EIF4B: variants seen among roughly 807,000 people sequenced by gnomAD.
EIF4B encodes eukaryotic translation initiation factor 4B.
A neutral mutation model predicts 79.3 loss-of-function variants in EIF4B; 8 were observed. That is an observed-to-expected ratio of 0.10 (90% confidence interval 0.06 to 0.18). The LOEUF (loss-of-function observed/expected upper bound fraction) is 0.18, where lower values mean the gene tolerates loss of function less well. Among genes scored for constraint, EIF4B ranks in the 10% least tolerant of loss-of-function variants. The pLI is 1.00. For missense variants in EIF4B, 515 were observed against 792.4 expected, an observed-to-expected ratio of 0.65 and a Z score of 4.20; for synonymous variants, 238 against 274.7, an observed-to-expected ratio of 0.87 and a Z score of 1.32.
chr12:53,038,416 G>GCT lies in EIF4B; in HGVS notation c.1576+7_1576+8dup. ...AGGAAGGACCAGGAAGGAAAGGTGA[G>GCT]CTCATAGTATGGGAAATAGGTTTTT... On this transcript the variant is annotated splice_donor_region_variant and intron_variant, in intron 12 of 14. Transcript: ENST00000262056. 1 of 1,588,940 alleles carries GCT rather than the reference G, an allele frequency of 6.3e-7. No individual in the cohort carries two copies. Among genetic ancestry groups the GCT allele is most frequent in the South Asian group, 1.2e-5 (1 of 86,668 alleles).
At chr12:53,027,441 A>G (rs985643701) in intron 6 of EIF4B, among the ~76,000 whole-genome samples, 1 of 151,922 alleles carries the variant, frequency 6.6e-6, no homozygotes, top group African/African-American at 2.4e-5. Flanking sequence ...AGCTAAAAAA[A>G]TTTTTTTAAT....
chr12:53,017,533 T>A (rs1038703753), intron 2 of EIF4B, among the ~76,000 whole-genome samples: 4 of 152,212 alleles, frequency 2.6e-5, no homozygotes, highest in Non-Finnish European at 5.9e-5. Flanking sequence ...GTTTTTTTCC[T>A]GAAAATCGTT....
intron 8 of EIF4B, among the ~76,000 whole-genome samples, chr12:53,028,915 C>T (rs1172817026): frequency 6.6e-6 from 1 of 151,988 alleles, no homozygotes; most frequent in Non-Finnish European, 1.5e-5. Context: ...CATTTGAGGT[C>T]AAGAGTTCGA....
At chr12:53,011,892 T>C (rs1254952451) in intron 1 of EIF4B, among the ~76,000 whole-genome samples, 1 of 152,214 alleles carries the variant, frequency 6.6e-6, no homozygotes, top group Non-Finnish European at 1.5e-5. Context: ...TTTAACCAGT[T>C]CACATAAGAT....
rs1269419565 is a variant in EIF4B, at chr12:53,020,959, T to G, written c.478-847T>G. ...GTTAACTATTTGATGTTTACTAGAT[T>G]AACTATTAATATATTGTTGTGGTCC... On this transcript the variant is annotated intron_variant, in intron 4 of 14. Coordinates refer to ENST00000262056, the MANE Select transcript of EIF4B (RefSeq NM_001417.7). 2.0e-5 allele frequency among the ~76,000 whole-genome samples: 3 copies of G among 152,228 alleles called. No individual in the cohort carries two copies. The East Asian group carries it at 5.8e-4, about 29-fold the overall frequency.
chr12:53,010,833 G>A (rs1042620526), intron 1 of EIF4B, among the ~76,000 whole-genome samples: 7 of 152,020 alleles, frequency 4.6e-5, no homozygotes, highest in South Asian at 2.1e-4. Flanking sequence ...TTGGCCTCCC[G>A]GAGTACTGGG....
chr12:53,012,442 T>C (rs1943079920), intron 1 of EIF4B, among the ~76,000 whole-genome samples: 1 of 151,414 alleles, frequency 6.6e-6, no homozygotes, highest in Non-Finnish European at 1.5e-5. Flanking sequence ...TAATCCTCGC[T>C]ACTTGGGAGG....
intron 1 of EIF4B, among the ~76,000 whole-genome samples, chr12:53,007,670 C>T (rs1942992004): frequency 6.6e-6 from 1 of 152,116 alleles, no homozygotes; most frequent in South Asian, 2.1e-4. Context: ...TTGCATTCTT[C>T]AAAACATTAT....
chr12:53,036,699 C>T (rs1023368489), intron 10 of EIF4B, among the ~76,000 whole-genome samples: 3 of 152,024 alleles, frequency 2.0e-5, no homozygotes, highest in Admixed American at 2.0e-4. Flanking sequence ...TTAGAAGACA[C>T]TTAACTGCAT....
In EIF4B at chr12:53,033,792, T is replaced by C; in HGVS notation, c.980-14T>C. On this transcript the variant is annotated splice_polypyrimidine_tract_variant and intron_variant, in intron 8 of 14. Transcript: ENST00000262056. ...TGATTGGAAAACTATTACTTAAAGTTTCATTTAACTTAGGTCCCCCCCAAA... is the reference window on the plus strand; with the variant it reads ...TGATTGGAAAACTATTACTTAAAGTCTCATTTAACTTAGGTCCCCCCCAAA... The C allele has an allele frequency of 6.4e-7, 1 of 1,569,236 alleles. No individual in the cohort carries two copies. Among genetic ancestry groups the C allele is most frequent in the Non-Finnish European group, 8.6e-7 (1 of 1,160,120 alleles).
At chr12:53,014,900 C>G (rs1351095294) in intron 1 of EIF4B, 2 of 152,270 alleles carry the variant, frequency 1.3e-5, no homozygotes, top group East Asian at 1.9e-4. Context: ...AGTCCCTCTG[C>G]TCTTCTGAAT....
At chr12:53,035,752 G>A (rs1166782966) in intron 10 of EIF4B, among the ~76,000 whole-genome samples, 1 of 152,038 alleles carries the variant, frequency 6.6e-6, no homozygotes, top group African/African-American at 2.4e-5. Flanking sequence ...GATTCCAAGG[G>A]CCAGCCACTG....
chr12:53,014,246 TAAAAA>T (rs776521252), intron 1 of EIF4B, among the ~76,000 whole-genome samples: 1 of 133,240 alleles, frequency 7.5e-6, no homozygotes, highest in African/African-American at 2.8e-5. Flanking sequence ...ACTGTGAAAC[TAAAAA>T]AAAAAAAAAA....
chr12:53,016,039 A>G (rs1047538095), intron 1 of EIF4B, among the ~76,000 whole-genome samples: 8 of 152,134 alleles, frequency 5.3e-5, no homozygotes, highest in African/African-American at 1.9e-4. Flanking sequence ...TACAAGTGTC[A>G]AAACAGTCTT....
rs191183015 is a variant in EIF4B at position 53,022,115 on chromosome 12, C to T, written c.532+255C>T. 1.3e-4 allele frequency: 85 copies of T among 639,120 alleles called. No homozygotes were observed. In the East Asian group the frequency reaches 1.9e-3, roughly 14 times the overall value. 39.6% of individuals were successfully genotyped at this position (639,120 alleles called of 1,614,324 possible). On this transcript the variant is annotated intron_variant, in intron 5 of 14. Transcript: ENST00000262056. ...TAGGGAATAGGACAGTCCCCATCAA[C>T]AAAGAATTATGCAGCCCAAAATGCA...
Position 53,033,976 on chromosome 12 carries a change from C to G in EIF4B, c.1150C>G (p.Gln384Glu). 5.6e-6 allele frequency: 9 copies of G among 1,613,938 alleles called. No individual in the cohort carries two copies. The highest frequency in any genetic ancestry group is 7.6e-6 in the Non-Finnish European group (9 of 1,179,916). ...AGTAGAAGAACGGCTACAGAAGGAA[C>G]AAGAGAAGTTGCAGCGTCAGCTGGA... The part of the protein sequence containing the change: ...REVEERLQKE[Q>E]EKLQRQLDEP... The change falls in exon 9 of 15, where the codon CAA (glutamine) becomes GAA (glutamate). Residue 384 changes from glutamine (Q) to glutamate (E), a missense_variant. Transcript: ENST00000262056.
rs376338749 is a variant in EIF4B, at chr12:53,033,587, C to T, written c.980-219C>T. On this transcript the variant is annotated intron_variant, in intron 8 of 14. Transcript: ENST00000262056. ...CGATCTCTTGGCCTTGTGATCCACC[C>T]GCCTCGGCCTCCCAAAGTGCTGGGA... Among the ~76,000 whole-genome samples the T allele has an allele frequency of 3.9e-5, 6 of 152,196 alleles. No individual in the cohort carries two copies. The South Asian group carries it at 8.3e-4, about 21-fold the overall frequency.
intron 3 of EIF4B, 72 bp downstream of exon 3, chr12:53,019,078 G>A: frequency 6.6e-7 from 1 of 1,521,390 alleles, no homozygotes; most frequent in Non-Finnish European, 9.0e-7. Context: ...TGTGGAATGG[G>A]CAGTTGCTGT....
intron 14 of EIF4B, 61 bp downstream of exon 14, chr12:53,039,763 A>G: frequency 3.3e-6 from 5 of 1,527,374 alleles, no homozygotes; most frequent in Non-Finnish European, 4.4e-6. Context: ...AATTCTAAGT[A>G]TTCTTACTAA....
Sources: gnomAD v4.1 joint callset for allele counts (sites outside exome capture counted in the v4.1 genomes callset) on GRCh38, gnomAD v4.1.1 for gene constraint, MANE v1.5 for transcripts, NCBI Gene and HGNC (gene_info 2026-07-23, HGNC 2026-07-21) for gene names.